KIAA1671: variants seen among roughly 807,000 people sequenced by gnomAD.
The protein encoded by KIAA1671 is uncharacterized protein KIAA1671.
A neutral mutation model predicts 131.2 loss-of-function variants in KIAA1671; 52 were observed. That is an observed-to-expected ratio of 0.40 (90% CI 0.32 to 0.50). The LOEUF is 0.50. KIAA1671 is among the 20% of genes least tolerant of loss of function. The probability of loss-of-function intolerance (pLI) is 0.73; values close to 1 mark genes in which losing one functional copy is unlikely to be tolerated. For missense variants in KIAA1671, 2,360 were observed against 2,364.2 expected (o/e 1.00, Z 0.04); for synonymous variants, 1,003 against 961.6 (o/e 1.04, Z -0.80).
chr22:25,191,952 C>CATGTGT (rs1934683468), intron 12 of KIAA1671, among the ~76,000 whole-genome samples: 1 of 152,008 alleles, frequency 6.6e-6, no homozygotes, highest in African/African-American at 2.4e-5. Flanking sequence ...GGTGGTGTTA[C>CATGTGT]ATATGTATAT....
At chr22:25,097,022 C>T (rs540370776) in intron 6 of KIAA1671, among the ~76,000 whole-genome samples, 21 of 152,264 alleles carry the variant, frequency 1.4e-4, no homozygotes, top group African/African-American at 3.9e-4. Flanking sequence ...TCTTGTTGAC[C>T]GGCATTTGAG....
chr22:24,955,905 C>T (rs1386582434), intron 1 of KIAA1671, among the ~76,000 whole-genome samples: 1 of 151,780 alleles, frequency 6.6e-6, no homozygotes, highest in Non-Finnish European at 1.5e-5. Flanking sequence ...GGTGCCTGTT[C>T]TCCTGGCTAC....
chr22:25,081,936 C>T (rs1023998637), intron 6 of KIAA1671, among the ~76,000 whole-genome samples: 7 of 152,124 alleles, frequency 4.6e-5, no homozygotes, highest in Non-Finnish European at 8.8e-5. Flanking sequence ...TAGTGCATGT[C>T]TATATTTCCA....
chr22:25,025,217 A>G (rs1357434182), intron 1 of KIAA1671, among the ~76,000 whole-genome samples: 2 of 152,026 alleles, frequency 1.3e-5, no homozygotes, highest in Admixed American at 6.5e-5. Context: ...TGAGTTATGC[A>G]GGACCACCAG....
intron 1 of KIAA1671, among the ~76,000 whole-genome samples, chr22:24,960,990 C>A (rs761524371): frequency 1.3e-5 from 2 of 152,016 alleles, no homozygotes; most frequent in Non-Finnish European, 2.9e-5. Context: ...CATTTTGTTG[C>A]CCTTGGGGTT....
At chr22:25,163,331 ATTTTTTTTTTTTTTTTTTTTT>A (rs132895) in intron 6 of KIAA1671, among the ~76,000 whole-genome samples, 1 of 55,544 alleles carries the variant, frequency 1.8e-5, no homozygotes, top group Non-Finnish European at 3.1e-5. Flanking sequence ...ATTGCCTCAA[ATTTTTTTTTTTTTTTTTTTTT>A]TTTTTTTTTT....
At chr22:25,069,987 C>T (rs546484929) in intron 6 of KIAA1671, 107 of 194,338 alleles carry the variant, frequency 5.5e-4, no homozygotes, top group African/African-American at 2.4e-3. Context: ...ATTCAGTTCC[C>T]GGGCATCACC....
chr22:25,145,464 G>C (rs945706823), intron 6 of KIAA1671, among the ~76,000 whole-genome samples: 1 of 152,184 alleles, frequency 6.6e-6, no homozygotes, highest in African/African-American at 2.4e-5. Flanking sequence ...CATGGTGTAG[G>C]AACATTTGGG....
chr22:24,991,272 T>C (rs1048714437), intron 1 of KIAA1671, among the ~76,000 whole-genome samples: 14 of 151,298 alleles, frequency 9.3e-5, no homozygotes, highest in Non-Finnish European at 1.6e-4. Flanking sequence ...ATCCACCCAC[T>C]TCGGCCTCCC....
chr22:25,048,032 G>A (rs979785429), intron 5 of KIAA1671, among the ~76,000 whole-genome samples: 2 of 152,336 alleles, frequency 1.3e-5, no homozygotes, highest in Non-Finnish European at 2.9e-5. Context: ...TGCAGGTAGA[G>A]TCTCAGCTTT....
At chr22:25,038,629 C>A in intron 4 of KIAA1671, 131 bp from the exon 5 acceptor site, 1 of 993,442 alleles carries the variant, frequency 1.0e-6, no homozygotes, top group Non-Finnish European at 1.5e-6. Flanking sequence ...TGGGTGTGTT[C>A]ATTCTTTTCA....
At chr22:25,097,958 C>A (rs1316934670) in intron 6 of KIAA1671, among the ~76,000 whole-genome samples, 2 of 152,098 alleles carry the variant, frequency 1.3e-5, no homozygotes, top group Admixed American at 1.3e-4. Context: ...TGCCACAGTT[C>A]CAGCCATCCT....
At chr22:25,111,395 G>A (rs1196091481) in intron 6 of KIAA1671, among the ~76,000 whole-genome samples, 1 of 152,222 alleles carries the variant, frequency 6.6e-6, no homozygotes, top group Non-Finnish European at 1.5e-5. Context: ...GGGGGCGGAC[G>A]TCAGCTCCCT....
At chr22:25,108,793 A>G (rs7284432) in intron 6 of KIAA1671, among the ~76,000 whole-genome samples, 40,447 of 152,094 alleles carry the variant, frequency 0.27, 5,458 homozygotes, top group South Asian at 0.36. Flanking sequence ...TGGGCCAGGA[A>G]TTTGGGAGCA....
At chr22:25,006,481 C>T (rs576468196) in intron 1 of KIAA1671, among the ~76,000 whole-genome samples, 10 of 152,226 alleles carry the variant, frequency 6.6e-5, no homozygotes, top group African/African-American at 2.4e-4. Context: ...GGGGGGCGAC[C>T]GAGACAAAGA....
intron 1 of KIAA1671, among the ~76,000 whole-genome samples, chr22:25,021,224 A>G (rs927999064): frequency 6.6e-6 from 1 of 151,930 alleles, no homozygotes; most frequent in Non-Finnish European, 1.5e-5. Context: ...CACCTGGCTA[A>G]TTTTTGTATT....
intron 6 of KIAA1671, among the ~76,000 whole-genome samples, chr22:25,091,454 G>A (rs935468960): frequency 2.6e-5 from 4 of 152,134 alleles, no homozygotes; most frequent in Admixed American, 6.5e-5. Flanking sequence ...TTGAACTCAC[G>A]CTGCCAAAAA....
chr22:25,077,574 C>G (rs1388735984), intron 6 of KIAA1671, among the ~76,000 whole-genome samples: 2 of 152,220 alleles, frequency 1.3e-5, no homozygotes, highest in African/African-American at 4.8e-5. Flanking sequence ...TAGTGAGGAA[C>G]TGCTGAGTGG....
At chr22:25,020,180 A>C (rs1350035594) in intron 1 of KIAA1671, among the ~76,000 whole-genome samples, 1 of 152,180 alleles carries the variant, frequency 6.6e-6, no homozygotes, top group African/African-American at 2.4e-5. Context: ...CCTCACTAGC[A>C]GTGGGAACTT....
Sources: allele counts gnomAD v4.1 joint callset (sites outside exome capture counted in the v4.1 genomes callset), GRCh38; gene constraint gnomAD v4.1.1; transcripts MANE v1.5; gene names NCBI Gene and HGNC (gene_info 2026-07-23, HGNC 2026-07-21).